The following PLCL1 variants were observed in gnomAD, a reference collection of about 807,000 sequenced individuals.
PLCL1 encodes inactive phospholipase C-like protein 1.
A neutral mutation model predicts 84.4 loss-of-function variants in PLCL1; 41 were observed. The observed-to-expected ratio is 0.49, with a 90% CI of 0.38 to 0.63. The LOEUF (loss-of-function observed/expected upper bound fraction) is 0.63, where lower values mean the gene tolerates loss of function less well. Among genes scored for constraint, PLCL1 ranks in the 30% least tolerant of loss-of-function variants. The pLI is 0.00. For missense variants in PLCL1, 1,206 were observed against 1,367.8 expected (o/e 0.88, Z 1.87); for synonymous variants, 490 against 488.3 (o/e 1.00, Z -0.05).
Position 197,805,499 on chromosome 2 carries a change from C to G in PLCL1, c.240+160C>G, listed in dbSNP as rs563005571. On this transcript the variant is annotated intron_variant, in intron 1 of 5. Transcript: ENST00000428675. The surrounding 1 kb of genome is among the most constrained non-coding windows in gnomAD (Gnocchi z 4.0). ...CCTTCCTTATCCGGAGGTTCCCAGACTCAGCTGTCAGCCACGAGACGCACA... is the reference window on the plus strand; with the variant it reads ...CCTTCCTTATCCGGAGGTTCCCAGAGTCAGCTGTCAGCCACGAGACGCACA... 1.1e-4 allele frequency among the ~76,000 whole-genome samples: 17 copies of G among 152,318 alleles called. 2 individuals are homozygous for G. The South Asian group carries it at 2.7e-3, about 24-fold the overall frequency.
intron 1 of PLCL1, among the ~76,000 whole-genome samples, chr2:197,894,359 A>G (rs984663928): frequency 6.6e-6 from 1 of 152,012 alleles, no homozygotes; most frequent in Non-Finnish European, 1.5e-5. Flanking sequence ...GCACATCCTC[A>G]TAGTTTCCTG....
chr2:197,829,108 T>C (rs1391409908), intron 1 of PLCL1, among the ~76,000 whole-genome samples: 1 of 152,190 alleles, frequency 6.6e-6, no homozygotes, highest in Non-Finnish European at 1.5e-5. Context: ...TAGTACAATT[T>C]AGGCAAAATT....
intron 1 of PLCL1, among the ~76,000 whole-genome samples, chr2:198,080,010 G>A (rs1251797621): frequency 6.6e-6 from 1 of 152,202 alleles, no homozygotes; most frequent in East Asian, 1.9e-4. Context: ...TGGTACTTCA[G>A]CCTCTTGCCT....
At chr2:197,902,399 T>C (rs1006984665) in intron 1 of PLCL1, among the ~76,000 whole-genome samples, 7 of 152,184 alleles carry the variant, frequency 4.6e-5, no homozygotes, top group East Asian at 1.9e-4. Context: ...TGTTGGACTT[T>C]AGGCAGCATG....
intron 1 of PLCL1, among the ~76,000 whole-genome samples, chr2:197,858,678 T>C (rs558388731): frequency 1.3e-5 from 2 of 152,304 alleles, no homozygotes; most frequent in East Asian, 3.9e-4. Context: ...AAAATAATCA[T>C]GTAAAGCACT....
intron 1 of PLCL1, among the ~76,000 whole-genome samples, chr2:197,814,284 T>C (rs1690646463): frequency 6.6e-6 from 1 of 152,226 alleles, no homozygotes; most frequent in South Asian, 2.1e-4. Flanking sequence ...TGTCACATTT[T>C]GGTAATTCTT....
chr2:197,947,281 G>A (rs1160270278), intron 1 of PLCL1, among the ~76,000 whole-genome samples: 7 of 148,490 alleles, frequency 4.7e-5, no homozygotes, highest in African/African-American at 2.5e-5. Flanking sequence ...TTATGTATGA[G>A]CAAAATAGTG....
chr2:198,029,564 G>A (rs575180522), intron 1 of PLCL1, among the ~76,000 whole-genome samples: 29 of 152,198 alleles, frequency 1.9e-4, no homozygotes, highest in Middle Eastern at 3.4e-3. Flanking sequence ...GGGATATGCC[G>A]TCTGGGCTGA....
intron 1 of PLCL1, among the ~76,000 whole-genome samples, chr2:197,888,477 G>A (rs191089804): frequency 6.6e-6 from 1 of 152,126 alleles, no homozygotes; most frequent in Admixed American, 6.5e-5. Flanking sequence ...AAAGGTCAGA[G>A]GTTGAGTCAT....
chr2:198,058,193 C>G (rs1188566343), intron 1 of PLCL1, among the ~76,000 whole-genome samples: 2 of 151,892 alleles, frequency 1.3e-5, no homozygotes. Context: ...AATAGTGATA[C>G]CTCTGCATTT....
chr2:197,949,705 C>A (rs1689351825), intron 1 of PLCL1, among the ~76,000 whole-genome samples: 2 of 151,830 alleles, frequency 1.3e-5, no homozygotes, highest in African/African-American at 4.8e-5. Flanking sequence ...GGTGAAGGGA[C>A]CTGAGGAAAT....
intron 5 of PLCL1, among the ~76,000 whole-genome samples, chr2:198,129,839 A>G (rs1046794197): frequency 2.2e-4 from 33 of 150,828 alleles, no homozygotes; most frequent in African/African-American, 7.3e-4. Flanking sequence ...TTCTTAGCCA[A>G]CTTTAATCTT....
At chr2:198,099,583 A>G (rs1574311613) in intron 3 of PLCL1, among the ~76,000 whole-genome samples, 1 of 152,310 alleles carries the variant, frequency 6.6e-6, no homozygotes, top group Admixed American at 6.5e-5. Flanking sequence ...AATATTAATG[A>G]TAAGATATGT....
At chr2:197,975,836 A>ACAG (rs1398965074) in intron 1 of PLCL1, among the ~76,000 whole-genome samples, 1 of 151,820 alleles carries the variant, frequency 6.6e-6, no homozygotes, top group African/African-American at 2.4e-5. Flanking sequence ...AACAACAACA[A>ACAG]CGACAACAGA....
chr2:198,021,048 C>T (rs1428995418), intron 1 of PLCL1, among the ~76,000 whole-genome samples: 2 of 152,240 alleles, frequency 1.3e-5, no homozygotes, highest in Admixed American at 6.5e-5. Context: ...AACAAACAGT[C>T]TCTCAGACCA....
intron 1 of PLCL1, among the ~76,000 whole-genome samples, chr2:197,819,839 T>A (rs1263095807): frequency 1.3e-5 from 2 of 151,950 alleles, no homozygotes; most frequent in Non-Finnish European, 2.9e-5. Flanking sequence ...GCTATCATTA[T>A]CACTTCCACC....
chr2:197,890,682 CTATA>C (rs1553500076), intron 1 of PLCL1, among the ~76,000 whole-genome samples: 16 of 116,202 alleles, frequency 1.4e-4, no homozygotes, highest in African/African-American at 2.6e-4. Flanking sequence ...TATTTTTTTG[CTATA>C]TATATATATA....
At chr2:198,032,675 A>G (rs946549685) in intron 1 of PLCL1, among the ~76,000 whole-genome samples, 2 of 152,112 alleles carry the variant, frequency 1.3e-5, no homozygotes, top group Non-Finnish European at 2.9e-5. Context: ...ATAGAGATAA[A>G]GGAATCTGGA....
intron 1 of PLCL1, among the ~76,000 whole-genome samples, chr2:198,053,537 T>C (rs2105870745): frequency 6.6e-6 from 1 of 152,364 alleles, no homozygotes; most frequent in East Asian, 1.9e-4. Context: ...TGCCTCTTTA[T>C]TCTCTTTTGG....
Sources: gnomAD v4.1 joint callset for allele counts (sites outside exome capture counted in the v4.1 genomes callset) on GRCh38, gnomAD v4.1.1 for gene constraint, Gnocchi (gnomAD v3.1) non-coding constraint, MANE v1.5 for transcripts, NCBI Gene and HGNC (gene_info 2026-07-23, HGNC 2026-07-21) for gene names.